TPM2: variants seen among roughly 807,000 people sequenced by gnomAD.
TPM2 encodes the protein tropomyosin beta chain.
TPM2 carries 26 observed loss-of-function variants against 41.0 expected under a neutral mutation model. That is an observed-to-expected ratio of 0.63 (90% CI 0.46 to 0.88). The LOEUF (loss-of-function observed/expected upper bound fraction) is 0.88, where lower values mean the gene tolerates loss of function less well. Among genes scored for constraint, TPM2 ranks in the 40% least tolerant of loss-of-function variants. The pLI, the probability that TPM2 is intolerant of heterozygous loss-of-function variation, is 0.00. For synonymous variants in TPM2, 143 were observed against 139.3 expected, an observed-to-expected ratio of 1.03 and a Z score of -0.19; for missense variants, 187 against 355.2, an observed-to-expected ratio of 0.53 and a Z score of 3.81.
intron 8 of TPM2, 63 bp from the exon 9 acceptor site, chr9:35,683,304 A>C: frequency 6.9e-7 from 1 of 1,453,664 alleles, no homozygotes. Flanking sequence ...GGGAAAGAGG[A>C]AAGGAAGGAG....
rs772475255 is a variant in TPM2 at position 35,689,164 on chromosome 9, G to A, written c.222C>T (p.Ala74=). ...VKEAQEKLEQ[A]EKKATDAEAD... ...CACTCACATCAGTGGCCTTCTTCTC[G>A]GCCTGCTCCAGTTTCTCCTGGGCCT... The change falls in exon 2 of 9, where the codon GCC becomes GCT. Residue 74 remains alanine (A), a synonymous_variant. Coordinates refer to ENST00000645482, the MANE Select transcript of TPM2 (RefSeq NM_003289.4). 7.4e-6 allele frequency: 12 copies of A among 1,613,940 alleles called. No individual in the cohort carries two copies. Among genetic ancestry groups the A allele is most frequent in the African/African-American group, 4.0e-5 (3 of 74,882 alleles).
intron 1 of TPM2, 36 bp downstream of exon 1, chr9:35,689,668 G>T: frequency 6.2e-7 from 1 of 1,609,212 alleles, no homozygotes; most frequent in South Asian, 1.1e-5. Flanking sequence ...TGCCCTAGGC[G>T]CGGGGAGAGC....
At chr9:35,684,853 G>C in intron 5 of TPM2, 46 bp from the exon 6 acceptor site, 1 of 1,613,702 alleles carries the variant, frequency 6.2e-7, no homozygotes, top group South Asian at 1.1e-5. Context: ...AGGGCACAGC[G>C]AAGCCAGACA....
In TPM2 at chr9:35,685,215, G is replaced by C. The variant is rs1824826793; in HGVS notation, c.563+54C>G. 7.4e-6 allele frequency: 12 copies of C among 1,613,918 alleles called. No individual in the cohort carries two copies. The Admixed American group carries it at 8.3e-5, about 11-fold the overall frequency. ...AAGCCTAGGATGCTACCTTCCCACT[G>C]TGTGGAAGGCCCCAGGGCCAATGGG... On this transcript the variant is annotated intron_variant, in intron 5 of 8. Transcript: ENST00000645482. This position sits in a 1 kb window ranked among gnomAD's most constrained non-coding sequence, Gnocchi z 5.0.
At chr9:35,682,629 T>A, downstream of TPM2, 1 of 1,305,842 alleles carries the variant, frequency 7.7e-7, no homozygotes, top group Non-Finnish European at 1.0e-6. Context: ...CTCACCACCC[T>A]ACTTCCTTTC....
Position 35,689,851 on chromosome 9 carries a change from G to A in TPM2, c.-34C>T, listed in dbSNP as rs1461415517. On this transcript the variant is annotated 5_prime_UTR_variant, in exon 1 of 9. Coordinates refer to ENST00000645482, the MANE Select transcript of TPM2 (RefSeq NM_003289.4). ...TGGGGGGTGGGCCGGCCGGCAGGCG[G>A]TGAGGACCGGACGGACTGGGCTGGG... 6.2e-7 allele frequency: 1 copy of A among 1,612,728 alleles called. No individual in the cohort carries two copies. Among genetic ancestry groups the A allele is most frequent in the Non-Finnish European group, 8.5e-7 (1 of 1,179,264 alleles).
chr9:35,684,608 C>T lies in TPM2; in HGVS notation c.640-58G>A. ...CGCTACCACAGATCCTTCATTTCTCCATTGTACCCCGTAGGCTCCTGGTCA... is the reference window on the plus strand; with the variant it reads ...CGCTACCACAGATCCTTCATTTCTCTATTGTACCCCGTAGGCTCCTGGTCA... On this transcript the variant is annotated intron_variant, in intron 6 of 8. Coordinates refer to ENST00000645482, the MANE Select transcript of TPM2 (RefSeq NM_003289.4). The T allele has an allele frequency of 4.3e-6, 7 of 1,613,690 alleles. No homozygotes were observed. In the South Asian group the frequency reaches 5.5e-5, roughly 13 times the overall value.
intron 2 of TPM2, among the ~76,000 whole-genome samples, chr9:35,686,959 G>T (rs868190233): frequency 4.5e-4 from 69 of 152,226 alleles, no homozygotes; most frequent in African/African-American, 1.6e-3. Context: ...GGGCAGCCAC[G>T]TGTTAAGAGC....
chr9:35,687,889 G>A (rs894036672), intron 2 of TPM2, among the ~76,000 whole-genome samples: 7 of 152,070 alleles, frequency 4.6e-5, no homozygotes, highest in African/African-American at 1.7e-4. Flanking sequence ...CTAACCACAG[G>A]ACAGGCACTA....
At position 35,685,830 on chromosome 9, in the gene TPM2, G is replaced by A; in HGVS notation, c.241-50C>T. ...AAAAGGCCTTGTTAGCCTTGGATAA[G>A]GATCAGAGAGGCTCCAGAGGATGGC... is the stretch of plus-strand genomic sequence containing the variant. On this transcript the variant is annotated intron_variant, in intron 2 of 8. Transcript: ENST00000645482. The surrounding 1 kb of genome is among the most constrained non-coding windows in gnomAD (Gnocchi z 5.0). 6.2e-7 allele frequency: 1 copy of A among 1,612,972 alleles called. No homozygotes were observed. Among genetic ancestry groups the A allele is most frequent in the South Asian group, 1.1e-5 (1 of 91,012 alleles).
In TPM2 at chr9:35,685,984, C is replaced by T. The variant is rs1305127589; in HGVS notation, c.241-204G>A. ...TGTGCATTCAGGCCGGGCATGGTGGCTCACGCCTGTAATCCCCGCACTCTG... is the reference window on the plus strand; with the variant it reads ...TGTGCATTCAGGCCGGGCATGGTGGTTCACGCCTGTAATCCCCGCACTCTG... On this transcript the variant is annotated intron_variant, in intron 2 of 8. Coordinates refer to ENST00000645482, the MANE Select transcript of TPM2 (RefSeq NM_003289.4). This position sits in a 1 kb window ranked among gnomAD's most constrained non-coding sequence, Gnocchi z 5.0. 6.6e-6 allele frequency among the ~76,000 whole-genome samples: 1 copy of T among 152,250 alleles called. No individual in the cohort carries two copies. The highest frequency in any genetic ancestry group is 1.5e-5 in the Non-Finnish European group (1 of 68,036).
At chr9:35,682,290 CAG>C (rs1290166810), downstream of TPM2, 1 of 1,091,032 alleles carries the variant, frequency 9.2e-7, no homozygotes, top group African/African-American at 1.6e-5. Flanking sequence ...TCACGGACCT[CAG>C]GGCCCCTTGG....
At chr9:35,684,127 G>T in intron 8 of TPM2, 119 bp downstream of exon 8, 4 of 971,330 alleles carry the variant, frequency 4.1e-6, no homozygotes, top group African/African-American at 1.6e-5. Context: ...TTGGGGAGTT[G>T]GTAGGGTCCT....
chr9:35,684,180 T>G, intron 8 of TPM2, 66 bp downstream of exon 8: 1 of 1,535,318 alleles, frequency 6.5e-7, no homozygotes, highest in Non-Finnish European at 9.0e-7. Context: ...TAAAATGGGA[T>G]GAGAAGGTAC....
chr9:35,682,838 G>A (rs1824649670), downstream of TPM2: 3 of 1,412,598 alleles, frequency 2.1e-6, no homozygotes, highest in Non-Finnish European at 1.9e-6. Flanking sequence ...GCAGGGGCTG[G>A]GGGTGTCAGT....
At chr9:35,687,467 G>T (rs931294995) in intron 2 of TPM2, among the ~76,000 whole-genome samples, 1 of 151,140 alleles carries the variant, frequency 6.6e-6, no homozygotes, top group Non-Finnish European at 1.5e-5. Flanking sequence ...GAAAGGAGGT[G>T]GGGGGAGGGG....
Position 35,682,962 on chromosome 9 carries a change from A to C in TPM2, c.*197T>G. On this transcript the variant is annotated 3_prime_UTR_variant, in exon 9 of 9. Coordinates refer to ENST00000645482, the MANE Select transcript of TPM2 (RefSeq NM_003289.4). Reference sequence around the variant, plus strand: ...TTCAGAATTTATTAAGCAGCAAAGGAGGGTGGAAGGGGATAGGTAAAGGAT... The same window carrying C: ...TTCAGAATTTATTAAGCAGCAAAGGCGGGTGGAAGGGGATAGGTAAAGGAT... 6.6e-7 allele frequency: 1 copy of C among 1,516,296 alleles called. No homozygotes were observed. Among genetic ancestry groups the C allele is most frequent in the Non-Finnish European group, 8.9e-7 (1 of 1,128,098 alleles). 93.9% of individuals were successfully genotyped at this position (1,516,296 alleles called of 1,614,324 possible). A position where few individuals can be genotyped will look rare whatever the true frequency, so the allele number is the denominator to read the frequency against.
rs1161769396 is a variant in TPM2, at chr9:35,689,920, G to A, written c.-103C>T. The A allele has an allele frequency of 2.5e-6, 4 of 1,595,890 alleles. No homozygotes were observed. Among genetic ancestry groups the A allele is most frequent in the Non-Finnish European group, 2.6e-6 (3 of 1,173,412 alleles). ...CGGTGGCAGGCGAGGAGGACGGAGC[G>A]GGACTGGGACGTCCCGGCCACGCGG... On this transcript the variant is annotated 5_prime_UTR_variant, in exon 1 of 9. Transcript: ENST00000645482.
chr9:35,687,254 CTCT>C (rs1230479641), intron 2 of TPM2, among the ~76,000 whole-genome samples: 1 of 151,952 alleles, frequency 6.6e-6, no homozygotes, highest in African/African-American at 2.4e-5. Flanking sequence ...TGGGAATCTT[CTCT>C]TTTTTTTTTA....
Sources: gnomAD v4.1 joint callset for allele counts (sites outside exome capture counted in the v4.1 genomes callset) on GRCh38, gnomAD v4.1.1 for gene constraint, Gnocchi (gnomAD v3.1) non-coding constraint, MANE v1.5 for transcripts, NCBI Gene and HGNC (gene_info 2026-07-23, HGNC 2026-07-21) for gene names.